Variants in KCNMA1 observed in about 807,000 individuals in gnomAD.
The protein encoded by KCNMA1 is Calcium-activated potassium channel subunit alpha-1.
KCNMA1 carries 29 observed loss-of-function variants against 140.0 expected under a neutral mutation model. That is an observed-to-expected ratio of 0.21 (90% CI 0.15 to 0.28). KCNMA1 has a LOEUF of 0.28. KCNMA1 is among the 10% of genes least tolerant of loss of function. The pLI is 1.00. For missense variants in KCNMA1, 880 were observed against 1,602.2 expected (o/e 0.55, Z 7.70); for synonymous variants, 612 against 611.9 (o/e 1.00, Z 0.00).
intron 2 of KCNMA1, among the ~76,000 whole-genome samples, chr10:77,278,742 C>T (rs920135944): frequency 6.6e-6 from 1 of 152,190 alleles, no homozygotes; most frequent in Admixed American, 6.5e-5. Context: ...AAGAATATAA[C>T]CTCCACCCAA....
chr10:77,545,487 T>C lies in KCNMA1; in HGVS notation c.378+91778A>G, dbSNP rs139231214. On this transcript the variant is annotated intron_variant, in intron 1 of 27. Coordinates refer to ENST00000286628, the MANE Select transcript of KCNMA1 (RefSeq NM_001161352.2). ...TGTGGGCTGGGTGGAGGGGTTTTCTTTGGTTTATAAACTCCCCAGAACCTG... is the reference window on the plus strand; with the variant it reads ...TGTGGGCTGGGTGGAGGGGTTTTCTCTGGTTTATAAACTCCCCAGAACCTG... Among the ~76,000 whole-genome samples the C allele has an allele frequency of 5.3e-5, 8 of 152,298 alleles. No homozygotes were observed. The East Asian group carries it at 1.5e-3, about 29-fold the overall frequency.
At chr10:77,085,575 G>C (rs2153766364) in intron 11 of KCNMA1, among the ~76,000 whole-genome samples, 1 of 152,234 alleles carries the variant, frequency 6.6e-6, no homozygotes, top group South Asian at 2.1e-4. Context: ...TCTGCAATCT[G>C]TCCTACTTGG....
chr10:77,396,791 T>C (rs1320393393), intron 2 of KCNMA1, among the ~76,000 whole-genome samples: 1 of 152,208 alleles, frequency 6.6e-6, no homozygotes, highest in Non-Finnish European at 1.5e-5. Flanking sequence ...ATGCTTTCAG[T>C]TCATAGAATT....
intron 1 of KCNMA1, among the ~76,000 whole-genome samples, chr10:77,632,945 C>T (rs1332950234): frequency 6.6e-6 from 1 of 152,234 alleles, no homozygotes; most frequent in Non-Finnish European, 1.5e-5. Context: ...AGATGCCCTG[C>T]TAATAAATGT....
intron 1 of KCNMA1, among the ~76,000 whole-genome samples, chr10:77,595,630 C>T (rs2080678753): frequency 6.6e-6 from 1 of 151,968 alleles, no homozygotes; most frequent in Admixed American, 6.6e-5. Context: ...TAAAGAAGCG[C>T]GGATCAACCT....
chr10:77,513,627 T>C (rs1178220935), intron 1 of KCNMA1, among the ~76,000 whole-genome samples: 5 of 152,092 alleles, frequency 3.3e-5, no homozygotes, highest in Non-Finnish European at 7.4e-5. Flanking sequence ...AGAAGAGGGA[T>C]GAGGAATTCA....
chr10:77,373,515 A>G (rs772683073), intron 2 of KCNMA1, among the ~76,000 whole-genome samples: 7 of 152,354 alleles, frequency 4.6e-5, no homozygotes, highest in Middle Eastern at 3.4e-3. Flanking sequence ...AGTGCTTCAT[A>G]CCTGGGGCTA....
At chr10:77,280,061 G>T (rs192130651) in intron 2 of KCNMA1, among the ~76,000 whole-genome samples, 4 of 152,238 alleles carry the variant, frequency 2.6e-5, no homozygotes, top group Middle Eastern at 6.8e-3. Flanking sequence ...AGTTTCCTTT[G>T]AAAACTTCCA....
At chr10:77,439,684 G>A (rs763099273) in intron 1 of KCNMA1, among the ~76,000 whole-genome samples, 7 of 152,144 alleles carry the variant, frequency 4.6e-5, no homozygotes, top group Admixed American at 1.3e-4. Context: ...AAAGGGCAGC[G>A]GTACCTATCT....
chr10:77,106,588 G>A (rs189069962), intron 9 of KCNMA1, among the ~76,000 whole-genome samples: 1 of 152,060 alleles, frequency 6.6e-6, no homozygotes, highest in Non-Finnish European at 1.5e-5. Flanking sequence ...TTTCAACTTA[G>A]CCTTCAGGGC....
chr10:77,265,148 T>C (rs2063087527), intron 2 of KCNMA1, among the ~76,000 whole-genome samples: 1 of 152,020 alleles, frequency 6.6e-6, no homozygotes, highest in Admixed American at 6.6e-5. Flanking sequence ...GCCTCCCAGG[T>C]TCAAGTGATT....
chr10:77,073,039 T>C lies in KCNMA1; in HGVS notation c.1749+58A>G, dbSNP rs542187056. ...TTTGAGTTTAAGCTGTGCTCTCTAC[T>C]CAACCCCACGACAAATGGAATCCCG... On this transcript the variant is annotated intron_variant, in intron 14 of 27. Coordinates refer to ENST00000286628, the MANE Select transcript of KCNMA1 (RefSeq NM_001161352.2). 2.1e-5 allele frequency: 32 copies of C among 1,534,690 alleles called. No individual in the cohort carries two copies. The African/African-American group carries it at 3.3e-4, about 16-fold the overall frequency.
chr10:77,242,824 TGTG>T (rs1205363949), intron 3 of KCNMA1, among the ~76,000 whole-genome samples: 1 of 151,912 alleles, frequency 6.6e-6, no homozygotes, highest in African/African-American at 2.4e-5. Context: ...TCTCTGCTAC[TGTG>T]ATGAGCCTGG....
At chr10:77,393,113 G>A (rs984827931) in intron 2 of KCNMA1, among the ~76,000 whole-genome samples, 3 of 152,194 alleles carry the variant, frequency 2.0e-5, no homozygotes, top group African/African-American at 4.8e-5. Context: ...CAAAGAGGAC[G>A]CAGCCTGGAC....
At chr10:77,228,216 C>T (rs1297635263) in intron 3 of KCNMA1, among the ~76,000 whole-genome samples, 4 of 152,160 alleles carry the variant, frequency 2.6e-5, no homozygotes, top group Admixed American at 1.3e-4. Flanking sequence ...CCACTTGCCT[C>T]GGCCTCCCAA....
chr10:77,572,569 C>CATATATATATATATAT (rs56706119), intron 1 of KCNMA1, among the ~76,000 whole-genome samples: 431 of 37,488 alleles, frequency 0.011, 31 homozygotes, highest in African/African-American at 0.015. Context: ...AAAAAAAATC[C>CATATATATATATATAT]ATATATATAT....
chr10:77,309,457 A>C (rs2078692133), intron 2 of KCNMA1: 1 of 152,264 alleles, frequency 6.6e-6, no homozygotes, highest in African/African-American at 2.4e-5. Context: ...GTTGTGACAC[A>C]TGGCTTAAAG....
At chr10:77,443,482 G>C (rs2097454786) in intron 1 of KCNMA1, among the ~76,000 whole-genome samples, 1 of 152,076 alleles carries the variant, frequency 6.6e-6, no homozygotes, top group Non-Finnish European at 1.5e-5. Context: ...CTGCCAGTTG[G>C]AGAGAATGGC....
chr10:77,603,297 C>G (rs1348325500), intron 1 of KCNMA1, among the ~76,000 whole-genome samples: 4 of 152,084 alleles, frequency 2.6e-5, no homozygotes, highest in African/African-American at 9.7e-5. Context: ...CCTTCGGTCC[C>G]CCCCACCCAT....
Sources: gnomAD v4.1 joint callset for allele counts (sites outside exome capture counted in the v4.1 genomes callset) on GRCh38, gnomAD v4.1.1 for gene constraint, MANE v1.5 for transcripts, NCBI Gene and HGNC (gene_info 2026-07-23, HGNC 2026-07-21) for gene names.